The following VPS41 variants were observed in gnomAD, a reference collection of about 807,000 sequenced individuals.
VPS41 encodes vacuolar protein sorting-associated protein 41 homolog.
VPS41 carries 85 observed loss-of-function variants against 130.9 expected under a neutral mutation model. That is an observed-to-expected ratio of 0.65 (90% confidence interval 0.55 to 0.78). The LOEUF is 0.78. Ranked by LOEUF, VPS41 falls within the 30% of genes least tolerant of loss-of-function variation. The pLI is 0.00. For missense variants in VPS41, 874 were observed against 1,018.7 expected, an observed-to-expected ratio of 0.86 and a Z score of 1.93; for synonymous variants, 335 against 332.9, an observed-to-expected ratio of 1.01 and a Z score of -0.07.
intron 4 of VPS41, among the ~76,000 whole-genome samples, chr7:38,850,126 A>C (rs1245499887): frequency 6.6e-6 from 1 of 152,220 alleles, no homozygotes; most frequent in Non-Finnish European, 1.5e-5. Flanking sequence ...AGTTGTGTCC[A>C]AACTTTCTAT....
chr7:38,791,715 A>G (rs142956751), intron 9 of VPS41, among the ~76,000 whole-genome samples: 158 of 152,242 alleles, frequency 1.0e-3, no homozygotes, highest in African/African-American at 3.7e-3. Context: ...GAGGCTGGAG[A>G]GTAACGGAGA....
chr7:38,791,490 G>C (rs1784535173), intron 9 of VPS41, among the ~76,000 whole-genome samples: 1 of 152,164 alleles, frequency 6.6e-6, no homozygotes, highest in Admixed American at 6.5e-5. Flanking sequence ...CAGTGGGGGA[G>C]ACACAAAAAT....
intron 25 of VPS41, among the ~76,000 whole-genome samples, chr7:38,737,777 T>C (rs542087483): frequency 1.3e-5 from 2 of 152,272 alleles, no homozygotes; most frequent in Admixed American, 1.3e-4. Flanking sequence ...AAGGCTAAGT[T>C]TCTGTAGTGA....
Position 38,756,842 on chromosome 7 carries a change from G to A in VPS41, c.1691C>T (p.Ser564Leu), listed in dbSNP as rs1783804362. The part of the protein sequence containing the change: ...DKIVLLMDFD[S>L]EKAVDMLLDN... The stretch of plus-strand genomic sequence containing the variant: ...CTAAAATAAAAAGCACATTACCTCT[G>A]AATCAAAATCCATTAATAAAACAAT... Residue 564 changes from serine (S) to leucine (L), a missense_variant, in exon 19 of 29, where the codon TCA (serine) becomes TTA (leucine). By Grantham distance (145) the Ser-to-Leu change is moderately radical. Transcript: ENST00000310301. 1.9e-6 allele frequency: 3 copies of A among 1,555,212 alleles called. No individual in the cohort carries two copies. Among genetic ancestry groups the A allele is most frequent in the Middle Eastern group, 4.3e-4 (2 of 4,690 alleles).
chr7:38,852,118 C>T (rs1336433983), intron 4 of VPS41, among the ~76,000 whole-genome samples: 1 of 152,138 alleles, frequency 6.6e-6, no homozygotes, highest in Non-Finnish European at 1.5e-5. Context: ...ACCCTCAGCT[C>T]ATGTAACCTG....
At chr7:38,837,232 A>G (rs979082490) in intron 4 of VPS41, among the ~76,000 whole-genome samples, 5 of 152,154 alleles carry the variant, frequency 3.3e-5, no homozygotes, top group African/African-American at 1.2e-4. Flanking sequence ...TCGTATTAGC[A>G]TGGGAGCTGG....
intron 1 of VPS41, among the ~76,000 whole-genome samples, chr7:38,903,366 G>T (rs1325443506): frequency 1.3e-5 from 2 of 152,170 alleles, no homozygotes; most frequent in African/African-American, 4.8e-5. Context: ...GAGGATCCAG[G>T]ACTTGCCTGG....
chr7:38,760,646 C>A, intron 17 of VPS41, among the ~76,000 whole-genome samples: 1 of 152,028 alleles, frequency 6.6e-6, no homozygotes, highest in East Asian at 1.9e-4. Flanking sequence ...TCAACAATCT[C>A]TTTGGAAAAA....
At chr7:38,888,387 A>G (rs1296544810) in intron 2 of VPS41, among the ~76,000 whole-genome samples, 2 of 152,230 alleles carry the variant, frequency 1.3e-5, no homozygotes, top group African/African-American at 4.8e-5. Context: ...CTGGACTCTG[A>G]TAAAACAGAC....
At chr7:38,843,043 A>T (rs890232237) in intron 4 of VPS41, among the ~76,000 whole-genome samples, 1 of 152,234 alleles carries the variant, frequency 6.6e-6, no homozygotes, top group African/African-American at 2.4e-5. Context: ...TAAATACATA[A>T]ATAAACAAAA....
intron 4 of VPS41, among the ~76,000 whole-genome samples, chr7:38,848,058 T>G (rs1310322190): frequency 6.6e-6 from 1 of 152,208 alleles, no homozygotes; most frequent in African/African-American, 2.4e-5. Context: ...CCACAGAAAT[T>G]ATTGTTATAA....
At position 38,724,580 on chromosome 7, in the gene VPS41, C is replaced by T. The variant is rs1163440268; in HGVS notation, c.*1666G>A. The T allele has an allele frequency of 1.4e-5, 2 of 147,730 alleles. No individual in the cohort carries two copies. Among genetic ancestry groups the T allele is most frequent in the Middle Eastern group, 3.1e-3 (1 of 322 alleles). The allele number at this position is 147,730 out of a possible 1,614,324, so 9.2% of individuals were successfully genotyped here. ...CTGTGCATTTCCTTTGAACTTGGCCCTATGATTTCTTTTCTTTTCTTTTCT... is the reference window on the plus strand; with the variant it reads ...CTGTGCATTTCCTTTGAACTTGGCCTTATGATTTCTTTTCTTTTCTTTTCT... On this transcript the variant is annotated 3_prime_UTR_variant, in exon 29 of 29. Coordinates refer to ENST00000310301, the MANE Select transcript of VPS41 (RefSeq NM_014396.4).
intron 27 of VPS41, among the ~76,000 whole-genome samples, chr7:38,728,047 G>A (rs939103752): frequency 6.6e-6 from 1 of 152,154 alleles, no homozygotes; most frequent in Admixed American, 6.5e-5. Context: ...ATATATCAGA[G>A]AAAAACACTA....
intron 22 of VPS41, among the ~76,000 whole-genome samples, chr7:38,748,080 G>GAGA (rs1796021464): frequency 6.6e-6 from 1 of 152,176 alleles, no homozygotes; most frequent in Non-Finnish European, 1.5e-5. Flanking sequence ...ATGGACTTTA[G>GAGA]AAATCTCTAG....
At chr7:38,803,140 G>C (rs991322448) in intron 7 of VPS41, among the ~76,000 whole-genome samples, 1 of 152,154 alleles carries the variant, frequency 6.6e-6, no homozygotes, top group African/African-American at 2.4e-5. Context: ...CTACTCTACA[G>C]AGTGGTATAA....
intron 2 of VPS41, among the ~76,000 whole-genome samples, chr7:38,873,441 AAAT>A (rs1562618847): frequency 7.0e-6 from 1 of 142,456 alleles, no homozygotes; most frequent in Non-Finnish European, 1.5e-5. Flanking sequence ...TTAACTAAAA[AAAT>A]AATAATAATA....
At chr7:38,872,479 A>G (rs1459689389) in intron 2 of VPS41, among the ~76,000 whole-genome samples, 2 of 152,224 alleles carry the variant, frequency 1.3e-5, no homozygotes, top group African/African-American at 2.4e-5. Context: ...GTCTACTGAT[A>G]AGCTGTCTTA....
rs1419499700 is a variant in VPS41 at position 38,909,135 on chromosome 7, T to C, written c.21+19A>G. On this transcript the variant is annotated intron_variant, in intron 1 of 28. Transcript: ENST00000310301. ...GTCTCTATATCCCTGTGCCCTCAAC[T>C]ACCACCTGCACCCTTTACCTGCTCC... is the stretch of plus-strand genomic sequence containing the variant. 6.2e-7 allele frequency: 1 copy of C among 1,605,786 alleles called. No homozygotes were observed. Among genetic ancestry groups the C allele is most frequent in the East Asian group, 2.3e-5 (1 of 44,372 alleles).
chr7:38,847,203 A>G (rs770009159), intron 4 of VPS41, among the ~76,000 whole-genome samples: 2 of 152,228 alleles, frequency 1.3e-5, no homozygotes, highest in African/African-American at 4.8e-5. Flanking sequence ...GACATTTTCA[A>G]ACATCATACA....
Sources: gnomAD v4.1 joint callset for allele counts (sites outside exome capture counted in the v4.1 genomes callset) on GRCh38, gnomAD v4.1.1 for gene constraint, MANE v1.5 for transcripts, NCBI Gene and HGNC (gene_info 2026-07-23, HGNC 2026-07-21) for gene names.